Variants in TENM2 observed in about 807,000 individuals in gnomAD.
TENM2 encodes teneurin-2.
TENM2 carries 52 observed loss-of-function variants against 245.2 expected under a neutral mutation model. The observed-to-expected ratio is 0.21, with a 90% CI of 0.17 to 0.27. TENM2 has a LOEUF of 0.27. Among genes scored for constraint, TENM2 ranks in the 10% least tolerant of loss-of-function variants. The pLI is 1.00. For missense variants in TENM2, 3,046 were observed against 3,666.8 expected (o/e 0.83, Z 4.37); for synonymous variants, 1,363 against 1,438.9 (o/e 0.95, Z 1.19).
At chr5:167,873,716 G>A (rs538367740) in intron 2 of TENM2, among the ~76,000 whole-genome samples, 1 of 152,208 alleles carries the variant, frequency 6.6e-6, no homozygotes, top group Admixed American at 6.5e-5. Flanking sequence ...CTGGGATGAG[G>A]GAGGTATTGA....
At chr5:167,699,018 T>G (rs923960199) in intron 2 of TENM2, among the ~76,000 whole-genome samples, 2 of 152,112 alleles carry the variant, frequency 1.3e-5, no homozygotes, top group Admixed American at 6.6e-5. Flanking sequence ...GAAGTTCCTT[T>G]TAAAGTGTAA....
intron 13 of TENM2, among the ~76,000 whole-genome samples, chr5:168,183,607 AC>A (rs1007531775): frequency 1.3e-5 from 2 of 152,034 alleles, no homozygotes; most frequent in Admixed American, 1.3e-4. Flanking sequence ...CATTTCCATC[AC>A]GAACAACCAG....
At chr5:168,224,818 A>T (rs560044290) in intron 23 of TENM2, among the ~76,000 whole-genome samples, 1 of 152,176 alleles carries the variant, frequency 6.6e-6, no homozygotes, top group African/African-American at 2.4e-5. Flanking sequence ...TCCTCCAGTA[A>T]CAAAACTCAT....
the TENM2 span, among the ~76,000 whole-genome samples, chr5:167,026,254 G>A: frequency 3.3e-5 from 5 of 152,292 alleles, no homozygotes; most frequent in African/African-American, 1.2e-4. Flanking sequence ...ATGGTTGCTA[G>A]CATTTTGGAA....
At chr5:168,093,505 T>G (rs17069822) in intron 8 of TENM2, among the ~76,000 whole-genome samples, 1 of 152,160 alleles carries the variant, frequency 6.6e-6, no homozygotes, top group South Asian at 2.1e-4. Context: ...CCAGGAGTGC[T>G]GTAAACCCCC....
chr5:168,262,573 G>A, exon 29 of TENM2: 3 of 1,567,702 alleles, frequency 1.9e-6, no homozygotes, highest in Non-Finnish European at 2.6e-6. Context: ...CCCGCGTCCT[G>A]GACCAGGCGA....
At chr5:166,997,230 T>TTA in the TENM2 span, among the ~76,000 whole-genome samples, 1 of 152,186 alleles carries the variant, frequency 6.6e-6, no homozygotes, top group Admixed American at 6.5e-5. Flanking sequence ...CAATATGAGG[T>TTA]GTTACATCAG....
intron 4 of TENM2, among the ~76,000 whole-genome samples, chr5:167,962,077 G>C (rs1370806338): frequency 6.6e-6 from 1 of 152,194 alleles, no homozygotes; most frequent in Non-Finnish European, 1.5e-5. Context: ...ATATCTGGTA[G>C]AGAGGACCAA....
intron 1 of TENM2, among the ~76,000 whole-genome samples, chr5:167,320,956 C>T (rs1304589646): frequency 7.1e-6 from 1 of 140,400 alleles, no homozygotes; most frequent in Non-Finnish European, 1.5e-5. Context: ...CAAAAAAAAA[C>T]ACTAAAATCT....
At chr5:168,026,732 G>T (rs989303948) in intron 5 of TENM2, among the ~76,000 whole-genome samples, 1 of 152,090 alleles carries the variant, frequency 6.6e-6, no homozygotes, top group African/African-American at 2.4e-5. Context: ...CATAGGGGAG[G>T]TTATAAAGAC....
chr5:167,532,775 C>CAT (rs1235804302), intron 2 of TENM2, among the ~76,000 whole-genome samples: 5 of 144,912 alleles, frequency 3.5e-5, no homozygotes, highest in South Asian at 2.2e-4. Flanking sequence ...TATATATACA[C>CAT]ATATATATAC....
the TENM2 span, among the ~76,000 whole-genome samples, chr5:167,146,926 G>A: frequency 1.3e-5 from 2 of 152,010 alleles, no homozygotes; most frequent in South Asian, 4.2e-4. Context: ...TTATTTTTAG[G>A]ACACTAGATG....
At chr5:167,020,483 GC>G in the TENM2 span, among the ~76,000 whole-genome samples, 1 of 152,172 alleles carries the variant, frequency 6.6e-6, no homozygotes, top group East Asian at 1.9e-4. Flanking sequence ...ACTGGGTAGG[GC>G]AAAGGAAATC....
rs752919344 is a variant in TENM2, at chr5:167,411,573, A to AGAGAGTGT, written c.502+36101_502+36102insAGAGTGTG. ...GTGTGCATGTGTATATGTAGGTGAGAGTGTGTGTGTGTGTGTGTGTGTGTG... is the reference window on the plus strand; with the variant it reads ...GTGTGCATGTGTATATGTAGGTGAGAGAGAGTGTGTGTGTGTGTGTGTGTGTGTGTGTG... On this transcript the variant is annotated intron_variant, in intron 2 of 28. Coordinates refer to ENST00000518659, the Ensembl canonical transcript of TENM2. 3.1e-3 allele frequency among the ~76,000 whole-genome samples: 447 copies of AGAGAGTGT among 145,142 alleles called. 5 individuals are homozygous for AGAGAGTGT. The highest frequency in any genetic ancestry group is 0.011 in the African/African-American group (432 of 38,926).
intron 5 of TENM2, among the ~76,000 whole-genome samples, chr5:167,993,964 G>C (rs188563277): frequency 1.3e-5 from 2 of 152,368 alleles, no homozygotes; most frequent in African/African-American, 4.8e-5. Context: ...GATGCTGAGC[G>C]CCCAGGGGCA....
At chr5:167,635,801 C>T (rs1357579243) in intron 2 of TENM2, among the ~76,000 whole-genome samples, 6 of 151,648 alleles carry the variant, frequency 4.0e-5, no homozygotes, top group African/African-American at 7.3e-5. Flanking sequence ...CCTGCCACCA[C>T]GCCCAGCTAA....
At chr5:168,262,051 C>T (rs1384211283) in exon 29 of TENM2, 2 of 1,613,238 alleles carry the variant, frequency 1.2e-6, no homozygotes, top group Admixed American at 3.3e-5. Flanking sequence ...CCCCACAGCT[C>T]ATTACAGGTG....
intron 2 of TENM2, among the ~76,000 whole-genome samples, chr5:167,793,645 G>A (rs1208353570): frequency 6.6e-6 from 1 of 151,592 alleles, no homozygotes; most frequent in Non-Finnish European, 1.5e-5. Context: ...GACCAGCCTG[G>A]GCAACATGGT....
chr5:167,235,587 G>T, the TENM2 span, among the ~76,000 whole-genome samples: 5 of 152,080 alleles, frequency 3.3e-5, no homozygotes, highest in Non-Finnish European at 7.3e-5. Flanking sequence ...GGTATTGATC[G>T]CAGTCTCTCC....
Sources: gnomAD v4.1 joint callset for allele counts (sites outside exome capture counted in the v4.1 genomes callset) on GRCh38, gnomAD v4.1.1 for gene constraint, MANE v1.5 for transcripts, NCBI Gene and HGNC (gene_info 2026-07-23, HGNC 2026-07-21) for gene names.